The following GNB1L variants were observed in gnomAD, a reference collection of about 807,000 sequenced individuals.
GNB1L encodes the protein G protein subunit beta 1 like.
Under a neutral mutation model 29.1 loss-of-function variants are expected in GNB1L, and 20 were observed. The ratio of observed to expected loss-of-function variants is 0.69; its 90% CI spans 0.48 to 1.00. The LOEUF is 1.00. GNB1L is among the 50% of genes least tolerant of loss of function. GNB1L has a pLI of 0.00. For synonymous variants in GNB1L, 193 were observed against 206.5 expected, an observed-to-expected ratio of 0.93 and a Z score of 0.56; for missense variants, 421 against 464.9, an observed-to-expected ratio of 0.91 and a Z score of 0.87.
intron 7 of GNB1L, 23 bp downstream of exon 7, chr22:19,801,978 G>A: frequency 6.5e-7 from 1 of 1,541,236 alleles, no homozygotes; most frequent in Non-Finnish European, 8.8e-7. Context: ...GGATAAATGA[G>A]ACCCGGGGCC....
rs955208271 is a variant in GNB1L, at chr22:19,812,521, G to A, written c.255-74C>T. The A allele has an allele frequency of 1.1e-5, 15 of 1,378,970 alleles. No individual in the cohort carries two copies. In the Admixed American group the frequency reaches 1.3e-4, roughly 12 times the overall value. The allele number at this position is 1,378,970 out of a possible 1,614,324, so 85.4% of individuals were successfully genotyped here. A position where few individuals can be genotyped will look rare whatever the true frequency, so the allele number is the denominator to read the frequency against. ...AGCTCCCATGGCCCCTGCAGCGGAA[G>A]GAAGGCAAGGCCATGTTTCCAGAGA... On this transcript the variant is annotated intron_variant, in intron 4 of 7. Transcript: ENST00000329517.
chr22:19,797,909 C>A (rs538856265), intron 7 of GNB1L, among the ~76,000 whole-genome samples: 1 of 152,328 alleles, frequency 6.6e-6, no homozygotes, highest in South Asian at 2.1e-4. Flanking sequence ...CCCAGACGCT[C>A]TGCCTGTCCT....
chr22:19,837,554 T>G (rs773499616), intron 2 of GNB1L, among the ~76,000 whole-genome samples: 1 of 152,206 alleles, frequency 6.6e-6, no homozygotes, highest in Non-Finnish European at 1.5e-5. Flanking sequence ...TACCTACTTA[T>G]CAGAATGGCT....
At chr22:19,799,142 A>G (rs1937339743) in intron 7 of GNB1L, among the ~76,000 whole-genome samples, 1 of 152,212 alleles carries the variant, frequency 6.6e-6, no homozygotes, top group Non-Finnish European at 1.5e-5. Flanking sequence ...CGGTTGGTCC[A>G]CTTCCCAGAC....
intron 2 of GNB1L, chr22:19,850,599 T>C (rs1470943990): frequency 1.7e-6 from 2 of 1,196,302 alleles, no homozygotes; most frequent in Non-Finnish European, 1.0e-6. Context: ...CATCATTCTT[T>C]GCCAAGATGC....
At chr22:19,800,447 T>G (rs896345427) in intron 7 of GNB1L, among the ~76,000 whole-genome samples, 5 of 152,106 alleles carry the variant, frequency 3.3e-5, no homozygotes, top group African/African-American at 1.2e-4. Context: ...CCCTGCAGGA[T>G]CCCTGCCAGG....
At chr22:19,795,851 C>T (rs563093659) in intron 7 of GNB1L, among the ~76,000 whole-genome samples, 3 of 152,140 alleles carry the variant, frequency 2.0e-5, no homozygotes, top group Non-Finnish European at 4.4e-5. Flanking sequence ...CATCCAGGCC[C>T]GTGCATCAGA....
intron 5 of GNB1L, among the ~76,000 whole-genome samples, chr22:19,811,847 C>T (rs549646019): frequency 6.6e-6 from 1 of 152,106 alleles, no homozygotes; most frequent in South Asian, 2.1e-4. Context: ...CCAACTTCAC[C>T]AGGGACTTGG....
At chr22:19,850,250 C>A (rs1169703426) in intron 2 of GNB1L, 3 of 985,318 alleles carry the variant, frequency 3.0e-6, no homozygotes, top group South Asian at 9.4e-5. Flanking sequence ...TAATCCAACA[C>A]GTGTTTAATG....
chr22:19,813,362 T>C (rs1937513866), intron 4 of GNB1L, among the ~76,000 whole-genome samples: 1 of 152,170 alleles, frequency 6.6e-6, no homozygotes, highest in Non-Finnish European at 1.5e-5. Context: ...TCAAGCATCC[T>C]GTAGTGCCAG....
At chr22:19,853,649 C>A (rs929236943) in intron 2 of GNB1L, among the ~76,000 whole-genome samples, 1 of 152,128 alleles carries the variant, frequency 6.6e-6, no homozygotes, top group Non-Finnish European at 1.5e-5. Flanking sequence ...AGCACTAGAA[C>A]CTGCCAGGGC....
Position 19,802,104 on chromosome 22 carries a change from G to A in GNB1L, c.629C>T (p.Pro210Leu), listed in dbSNP as rs200059079. Residue 210 changes from proline (P) to leucine (L), a missense_variant, in exon 7 of 8, where the codon CCC becomes CTC. Pro to Leu is a moderately conservative substitution (Grantham distance 98). Transcript: ENST00000329517. ...VCSRIACHEE[P>L]VMDLDFDSQK... ...GGAGTCAAAGTCAAGGTCCATGACG[G>A]GCTCCTCATGGCAGGCGATGCGGCT... 8 of 1,613,526 alleles carry A rather than the reference G, an allele frequency of 5.0e-6. No homozygotes were observed. The Admixed American group carries it at 1.2e-4, about 24-fold the overall frequency.
chr22:19,839,944 T>C (rs1937830282), intron 2 of GNB1L, among the ~76,000 whole-genome samples: 1 of 151,754 alleles, frequency 6.6e-6, no homozygotes, highest in South Asian at 2.1e-4. Flanking sequence ...ATGTCTGTAG[T>C]CCCAGCTACT....
chr22:19,826,792 G>A (rs796749311), intron 2 of GNB1L, among the ~76,000 whole-genome samples: 15 of 152,242 alleles, frequency 9.9e-5, no homozygotes, highest in African/African-American at 3.6e-4. Context: ...CTTATCTCCT[G>A]ATGTGATGCC....
intron 2 of GNB1L, among the ~76,000 whole-genome samples, chr22:19,838,479 A>AT (rs56199417): frequency 0.37 from 54,912 of 149,032 alleles, 11,707 homozygotes; most frequent in African/African-American, 0.61. Flanking sequence ...TTTTATTTTT[A>AT]TTTTTTTTTT....
intron 2 of GNB1L, 45 bp from the exon 3 acceptor site, chr22:19,821,420 C>A: frequency 6.3e-7 from 1 of 1,576,416 alleles, no homozygotes; most frequent in Non-Finnish European, 8.6e-7. Flanking sequence ...TCCCTATTCT[C>A]ACCCTCTAGG....
chr22:19,792,824 G>C, intron 7 of GNB1L: 1 of 1,272,394 alleles, frequency 7.9e-7, no homozygotes, highest in Non-Finnish European at 1.1e-6. Context: ...GTCGTAAAAT[G>C]GGGGTCCCTT....
In GNB1L at chr22:19,833,960, GAA is replaced by G. The variant is rs1343621610; in HGVS notation, c.-20-12587_-20-12586del. ...AAATTATTCAATATAAGATCAGAAA[GAA>G]AAAAGATTGAAATAAGTGGTTAGCA... is the stretch of plus-strand genomic sequence containing the variant. On this transcript the variant is annotated intron_variant, in intron 2 of 7. Coordinates refer to ENST00000329517, the MANE Select transcript of GNB1L (RefSeq NM_053004.3). Among the ~76,000 whole-genome samples, 4 of 151,382 alleles carry G rather than the reference GAA, an allele frequency of 2.6e-5. No homozygotes were observed. In the East Asian group the frequency reaches 7.7e-4, roughly 29 times the overall value.
intron 6 of GNB1L, 39 bp downstream of exon 6, chr22:19,806,620 G>T: frequency 7.8e-7 from 1 of 1,284,710 alleles, no homozygotes; most frequent in Non-Finnish European, 1.1e-6. Flanking sequence ...GGCCGTGGGT[G>T]TGGCCGGCAG....
Sources: allele counts gnomAD v4.1 joint callset (sites outside exome capture counted in the v4.1 genomes callset), GRCh38; gene constraint gnomAD v4.1.1; transcripts MANE v1.5; gene names NCBI Gene and HGNC (gene_info 2026-07-23, HGNC 2026-07-21).